SLC7A1: variants seen among roughly 807,000 people sequenced by gnomAD.
SLC7A1 encodes the protein solute carrier family 7 member 1.
Under a neutral mutation model 53.9 loss-of-function variants are expected in SLC7A1, and 10 were observed. The ratio of observed to expected loss-of-function variants is 0.19; its 90% CI spans 0.11 to 0.31. The LOEUF (loss-of-function observed/expected upper bound fraction) is 0.31. Among genes scored for constraint, SLC7A1 ranks in the 10% least tolerant of loss-of-function variants. SLC7A1 has a pLI of 1.00. For synonymous variants in SLC7A1, 342 were observed against 338.7 expected, an observed-to-expected ratio of 1.01 and a Z score of -0.11; for missense variants, 525 against 827.2, an observed-to-expected ratio of 0.63 and a Z score of 4.48.
chr13:29,543,611 G>T (rs1478931334), intron 2 of SLC7A1, among the ~76,000 whole-genome samples: 1 of 152,174 alleles, frequency 6.6e-6, no homozygotes, highest in Non-Finnish European at 1.5e-5. Context: ...CATGGAGAGG[G>T]GTGCGGAAGG....
chr13:29,533,118 A>G lies in SLC7A1; in HGVS notation c.371-136T>C, dbSNP rs1321652150. ...GGAATCTGGCAGCAGCAGCCAGACCACAGTGTATGCTGAGCCAGAAGTGAC... is the reference window on the plus strand; with the variant it reads ...GGAATCTGGCAGCAGCAGCCAGACCGCAGTGTATGCTGAGCCAGAAGTGAC... On this transcript the variant is annotated intron_variant, in intron 3 of 12. Transcript: ENST00000380752. 3.6e-6 allele frequency: 3 copies of G among 831,274 alleles called. No individual in the cohort carries two copies. In the African/African-American group the frequency reaches 5.2e-5, roughly 14 times the overall value. The allele number at this position is 831,274 out of a possible 1,614,324, so 51.5% of individuals were successfully genotyped here.
chr13:29,536,837 C>A (rs1869442878), intron 2 of SLC7A1, among the ~76,000 whole-genome samples: 1 of 152,222 alleles, frequency 6.6e-6, no homozygotes, highest in African/African-American at 2.4e-5. Context: ...ACAGGAAGCA[C>A]TTTTCTTCTG....
At chr13:29,569,643 G>C (rs1708262817) in intron 1 of SLC7A1, among the ~76,000 whole-genome samples, 1 of 152,158 alleles carries the variant, frequency 6.6e-6, no homozygotes, top group African/African-American at 2.4e-5. Context: ...TACCCACAGT[G>C]AGTCTAGTGA....
intron 5 of SLC7A1, among the ~76,000 whole-genome samples, chr13:29,527,472 C>G (rs1280400239): frequency 6.6e-6 from 1 of 152,180 alleles, no homozygotes; most frequent in Non-Finnish European, 1.5e-5. Flanking sequence ...GAGATATTTA[C>G]TAAGGGTCTC....
chr13:29,576,741 G>T (rs1418010908), intron 1 of SLC7A1, among the ~76,000 whole-genome samples: 2 of 152,144 alleles, frequency 1.3e-5, no homozygotes, highest in Non-Finnish European at 2.9e-5. Flanking sequence ...AAGGAAACTG[G>T]TATCTGCTGC....
At chr13:29,545,642 A>T (rs1869886584) in intron 2 of SLC7A1, among the ~76,000 whole-genome samples, 1 of 152,178 alleles carries the variant, frequency 6.6e-6, no homozygotes, top group Non-Finnish European at 1.5e-5. Flanking sequence ...TCCCAATTAC[A>T]ACCTGTTGGT....
At chr13:29,569,365 C>T (rs1871100267) in intron 1 of SLC7A1, among the ~76,000 whole-genome samples, 1 of 152,118 alleles carries the variant, frequency 6.6e-6, no homozygotes, top group Admixed American at 6.5e-5. Context: ...GGCTGTGAAC[C>T]CCCTGCCCTG....
intron 1 of SLC7A1, among the ~76,000 whole-genome samples, chr13:29,590,411 A>AACATAC (rs1209888998): frequency 6.6e-6 from 1 of 151,976 alleles, no homozygotes; most frequent in African/African-American, 2.4e-5. Flanking sequence ...CATACACATA[A>AACATAC]ACATACACAT....
intron 8 of SLC7A1, 52 bp from the exon 9 acceptor site, chr13:29,519,601 C>T: frequency 8.7e-7 from 1 of 1,145,202 alleles, no homozygotes; most frequent in East Asian, 2.4e-5. Context: ...CATGCAATGA[C>T]AACCAGGACC....
chr13:29,553,021 C>T (rs560721038), intron 2 of SLC7A1, among the ~76,000 whole-genome samples: 3 of 152,100 alleles, frequency 2.0e-5, no homozygotes, highest in South Asian at 2.1e-4. Flanking sequence ...CAGCCTTGAC[C>T]GCCCCCCTGC....
chr13:29,523,329 T>C lies in SLC7A1; in HGVS notation c.986A>G (p.His329Arg). 6.2e-7 allele frequency: 1 copy of C among 1,613,826 alleles called. No homozygotes were observed. ...NNSPLPDAFKHVGWEGAKYAV... is the reference protein window; with the variant it reads ...NNSPLPDAFKRVGWEGAKYAV... ...GTACTTGGCACCTTCCCAGCCCACG[T>C]GCTTAAAGGCGTCGGGCAGGGGGCT... The change falls in exon 7 of 13, where the codon CAC (histidine) becomes CGC (arginine). Residue 329 changes from histidine (H) to arginine (R), a missense_variant. Transcript: ENST00000380752.
At chr13:29,576,293 T>TTTTAAA (rs552407983) in intron 1 of SLC7A1, among the ~76,000 whole-genome samples, 2 of 124,954 alleles carry the variant, frequency 1.6e-5, no homozygotes, top group African/African-American at 7.3e-5. Context: ...TCCTGTTTTT[T>TTTTAAA]AAAAAAAAAA....
rs147692162 is a variant in SLC7A1 at position 29,533,704 on chromosome 13, C to T, written c.371-722G>A. On this transcript the variant is annotated intron_variant, in intron 3 of 12. Coordinates refer to ENST00000380752, the MANE Select transcript of SLC7A1 (RefSeq NM_003045.5). The stretch of plus-strand genomic sequence containing the variant: ...GCCTGCACCCTCCGGTGCCGAAGAA[C>T]ACCAACAGGGCAGCACTCAAAATGC... Among the ~76,000 whole-genome samples the T allele has an allele frequency of 3.4e-3, 522 of 152,278 alleles. 4 individuals carry two copies. Among genetic ancestry groups the T allele is most frequent in the African/African-American group, 0.012 (503 of 41,556 alleles).
rs755310496 is a variant in SLC7A1 at position 29,514,496 on chromosome 13, A to G, written c.1874T>C (p.Leu625Ser). 6.2e-7 allele frequency: 1 copy of G among 1,610,118 alleles called. No homozygotes were observed. Among genetic ancestry groups the G allele is most frequent in the East Asian group, 2.2e-5 (1 of 44,866 alleles). The change falls in exon 13 of 13, where the codon TTG (leucine) becomes TCG (serine). Residue 625 changes from leucine to serine, a missense_variant. Leu to Ser is a moderately radical substitution (Grantham distance 145, BLOSUM62 -2). Around this residue, in one of 4 missense-constraint regions of SLC7A1, gnomAD observed 41 missense variants for 61.3 expected, o/e 0.67. Coordinates refer to ENST00000380752, the MANE Select transcript of SLC7A1 (RefSeq NM_003045.5). The stretch of plus-strand genomic sequence containing the variant: ...GGCTGTGCGTCACTTGCACTGGTCC[A>G]AGTTGCCGTCAGGAGTCCTTGCTTG... ...ADQARTPDGN[L>S]DQCK
Position 29,514,429 on chromosome 13 carries a change from C to G in SLC7A1, c.*51G>C, listed in dbSNP as rs1883491623. ...GGAGGGTGGGGTGCCTCCCGGTCCTCTGGGGGCGTCCCTCGGGGCTGCTGC... is the reference window on the plus strand; with the variant it reads ...GGAGGGTGGGGTGCCTCCCGGTCCTGTGGGGGCGTCCCTCGGGGCTGCTGC... On this transcript the variant is annotated 3_prime_UTR_variant, in exon 13 of 13. Transcript: ENST00000380752. The G allele has an allele frequency of 7.0e-7, 1 of 1,425,628 alleles. No individual in the cohort carries two copies. Among genetic ancestry groups the G allele is most frequent in the Admixed American group, 1.7e-5 (1 of 59,102 alleles). 88.3% of individuals were successfully genotyped at this position (1,425,628 alleles called of 1,614,324 possible).
At chr13:29,572,688 C>G (rs1298414456) in intron 1 of SLC7A1, among the ~76,000 whole-genome samples, 2 of 152,204 alleles carry the variant, frequency 1.3e-5, no homozygotes, top group Non-Finnish European at 2.9e-5. Context: ...TTCCCCCAGT[C>G]GTTCTCTGCC....
intron 2 of SLC7A1, among the ~76,000 whole-genome samples, chr13:29,539,176 A>G (rs1315921240): frequency 4.4e-5 from 6 of 137,888 alleles, no homozygotes; most frequent in African/African-American, 1.3e-4. Flanking sequence ...TCCTTTTTGC[A>G]CTCCTTTCTC....
At position 29,517,417 on chromosome 13, in the gene SLC7A1, G is replaced by A. The variant is rs116766244; in HGVS notation, c.1511-107C>T. The A allele has an allele frequency of 4.8e-4, 633 of 1,314,160 alleles. 2 individuals are homozygous for A. In the African/African-American group the frequency reaches 8.2e-3, roughly 17 times the overall value. The allele number at this position is 1,314,160 out of a possible 1,614,324, so 81.4% of individuals were successfully genotyped here. A position where few individuals can be genotyped will look rare whatever the true frequency, so the allele number is the denominator to read the frequency against. On this transcript the variant is annotated intron_variant, in intron 10 of 12. Transcript: ENST00000380752. ...TTGTGGAGAGAGAGGCTCCATTTCCGAAGGCACAACTACAGTTAACACAGA... is the reference window on the plus strand; with the variant it reads ...TTGTGGAGAGAGAGGCTCCATTTCCAAAGGCACAACTACAGTTAACACAGA...
chr13:29,561,194 C>T (rs478085), intron 1 of SLC7A1, among the ~76,000 whole-genome samples: 3,172 of 152,156 alleles, frequency 0.021, 37 homozygotes, highest in Non-Finnish European at 0.033. Context: ...ACACTAATGA[C>T]GGCAGCACAC....
Sources: gnomAD v4.1 joint callset for allele counts (sites outside exome capture counted in the v4.1 genomes callset) on GRCh38, gnomAD v4.1.1 for gene constraint, gnomAD v4.1.1 regional missense constraint, MANE v1.5 for transcripts, NCBI Gene and HGNC (gene_info 2026-07-23, HGNC 2026-07-21) for gene names.